The following TRMT10B variants were observed in gnomAD, a reference collection of about 807,000 sequenced individuals.
The protein encoded by TRMT10B is tRNA methyltransferase 10 homolog B.
Under a neutral mutation model 43.8 loss-of-function variants are expected in TRMT10B, and 33 were observed. That is an observed-to-expected ratio of 0.75 (90% CI 0.57 to 1.01). TRMT10B has a LOEUF of 1.01. TRMT10B is among the 50% of genes least tolerant of loss of function. The pLI, the probability that TRMT10B is intolerant of heterozygous loss-of-function variation, is 0.00. For synonymous variants in TRMT10B, 137 were observed against 130.6 expected (o/e 1.05, Z -0.34); for missense variants, 362 against 369.8 (o/e 0.98, Z 0.17).
chr9:37,755,477 A>T (rs903806856), intron 1 of TRMT10B, among the ~76,000 whole-genome samples: 5 of 152,202 alleles, frequency 3.3e-5, no homozygotes, highest in Non-Finnish European at 7.3e-5. Context: ...GATTGAGCAG[A>T]TCTCTGCTTC....
chr9:37,755,941 G>C (rs1825624767), intron 1 of TRMT10B, among the ~76,000 whole-genome samples: 1 of 152,172 alleles, frequency 6.6e-6, no homozygotes, highest in South Asian at 2.1e-4. Flanking sequence ...TAGGAGAGAA[G>C]ATACCAGCAC....
intron 7 of TRMT10B, among the ~76,000 whole-genome samples, chr9:37,773,274 A>AT (rs3076727): frequency 0.036 from 5,189 of 144,736 alleles, 111 homozygotes; most frequent in Non-Finnish European, 0.052. Flanking sequence ...TGGCCAGCTA[A>AT]TTTTTTTTTT....
In TRMT10B at chr9:37,776,285, G is replaced by T. The variant is rs781416388; in HGVS notation, c.724G>T (p.Val242Leu). 1.3e-6 allele frequency: 2 copies of T among 1,536,232 alleles called. No homozygotes were observed. Among genetic ancestry groups the T allele is most frequent in the Non-Finnish European group, 1.7e-6 (2 of 1,146,470 alleles). The change falls in exon 8 of 9, where the codon GTG (valine) becomes TTG (leucine). Residue 242 changes from valine (V) to leucine (L), a missense_variant. Physicochemically the swap from Val to Leu is conservative, Grantham distance 32 (BLOSUM62 1). Coordinates refer to ENST00000297994, the MANE Select transcript of TRMT10B (RefSeq NM_144964.4). Reference protein sequence around the residue: ...GLVDESIQKKVTFQKAREYSV... With the variant: ...GLVDESIQKKLTFQKAREYSV... ...ATATTTAACTATATATTTACAGAAG[G>T]TGACATTTCAAAAGGCCCGGGAATA...
At chr9:37,765,549 G>A (rs551774286) in intron 4 of TRMT10B, among the ~76,000 whole-genome samples, 24 of 152,032 alleles carry the variant, frequency 1.6e-4, no homozygotes, top group Non-Finnish European at 3.2e-4. Context: ...ATAAACATAC[G>A]TGTGCATGTG....
At chr9:37,755,424 C>A (rs920201858) in intron 1 of TRMT10B, among the ~76,000 whole-genome samples, 2 of 149,902 alleles carry the variant, frequency 1.3e-5, no homozygotes, top group Non-Finnish European at 3.0e-5. Flanking sequence ...TTCCTATGTC[C>A]AAAAAAAAAT....
At chr9:37,765,929 G>GTT (rs1328004988) in intron 4 of TRMT10B, among the ~76,000 whole-genome samples, 58 of 52,590 alleles carry the variant, frequency 1.1e-3, no homozygotes, top group African/African-American at 3.4e-3. Flanking sequence ...CTTTTTGATG[G>GTT]GTTTTTTTTT....
chr9:37,768,368 A>T (rs2118850395), intron 5 of TRMT10B, 140 bp downstream of exon 5: 5 of 961,952 alleles, frequency 5.2e-6, no homozygotes, highest in East Asian at 2.7e-5. Flanking sequence ...ATAAGTTCTT[A>T]AATTTAAAAT....
chr9:37,755,558 G>A (rs1825562154), intron 1 of TRMT10B, among the ~76,000 whole-genome samples: 1 of 152,176 alleles, frequency 6.6e-6, no homozygotes, highest in African/African-American at 2.4e-5. Flanking sequence ...TATTTATTGA[G>A]CTTCCATTCT....
intron 8 of TRMT10B, among the ~76,000 whole-genome samples, chr9:37,777,114 A>C (rs1315569184): frequency 1.5e-5 from 2 of 132,940 alleles, no homozygotes; most frequent in East Asian, 2.5e-4. Context: ...GAATTGCTTG[A>C]ATCTGGGAGG....
intron 1 of TRMT10B, among the ~76,000 whole-genome samples, chr9:37,754,243 G>A (rs1287660343): frequency 1.3e-5 from 2 of 152,192 alleles, no homozygotes; most frequent in Non-Finnish European, 2.9e-5. Context: ...TACATTGAAG[G>A]GATGGAGGAG....
At chr9:37,771,876 G>GTT (rs74171525) in intron 7 of TRMT10B, among the ~76,000 whole-genome samples, 1,959 of 148,932 alleles carry the variant, frequency 0.013, 40 homozygotes, top group African/African-American at 0.042. Flanking sequence ...GACAGAAAAT[G>GTT]TTTTTTTTTT....
intron 1 of TRMT10B, among the ~76,000 whole-genome samples, chr9:37,757,580 T>G (rs1825856704): frequency 6.6e-6 from 1 of 152,202 alleles, no homozygotes; most frequent in Non-Finnish European, 1.5e-5. Flanking sequence ...AGAAGGTAAT[T>G]TACTTGGTCA....
intron 1 of TRMT10B, among the ~76,000 whole-genome samples, chr9:37,755,424 C>G (rs920201858): frequency 6.7e-6 from 1 of 149,902 alleles, no homozygotes; most frequent in Non-Finnish European, 1.5e-5. Flanking sequence ...TTCCTATGTC[C>G]AAAAAAAAAT....
At chr9:37,775,850 T>C (rs1313911954) in intron 7 of TRMT10B, among the ~76,000 whole-genome samples, 4 of 152,222 alleles carry the variant, frequency 2.6e-5, no homozygotes, top group African/African-American at 4.8e-5. Context: ...GGCTCTCTCT[T>C]CTCACACCCT....
chr9:37,777,194 CAAAAAAAAAAAAAAAAAAAAAAAAAAA>C (rs11306620), intron 8 of TRMT10B, among the ~76,000 whole-genome samples: 1 of 29,966 alleles, frequency 3.3e-5, no homozygotes, highest in African/African-American at 1.4e-4. Flanking sequence ...AACTCCGCCT[CAAAAAAAAAAAAAAAAAAAAAAAAAAA>C]AAAAAAAAAA....
At chr9:37,766,053 C>A (rs1270353126) in intron 4 of TRMT10B, among the ~76,000 whole-genome samples, 1 of 151,482 alleles carries the variant, frequency 6.6e-6, no homozygotes, top group Non-Finnish European at 1.5e-5. Flanking sequence ...ATGGTGGTTT[C>A]TTTTGCTGTG....
chr9:37,755,717 T>C (rs1825586383), intron 1 of TRMT10B, among the ~76,000 whole-genome samples: 1 of 151,694 alleles, frequency 6.6e-6, no homozygotes, highest in South Asian at 2.1e-4. Flanking sequence ...CCCAAATTCC[T>C]GGTTTAAGAA....
intron 4 of TRMT10B, among the ~76,000 whole-genome samples, chr9:37,765,497 G>A (rs372459886): frequency 1.3e-3 from 46 of 35,706 alleles, no homozygotes; most frequent in Admixed American, 0.011. Flanking sequence ...CCAATCTATC[G>A]TTGGTTGGTT....
chr9:37,775,031 A>G (rs767945649), intron 7 of TRMT10B, among the ~76,000 whole-genome samples: 19 of 152,236 alleles, frequency 1.2e-4, no homozygotes, highest in East Asian at 1.9e-4. Flanking sequence ...TCTTACTTGC[A>G]TGGTTTGGCC....
Sources: gnomAD v4.1 joint callset for allele counts (sites outside exome capture counted in the v4.1 genomes callset) on GRCh38, gnomAD v4.1.1 for gene constraint, MANE v1.5 for transcripts, NCBI Gene and HGNC (gene_info 2026-07-23, HGNC 2026-07-21) for gene names.